Variants in CELSR1 observed in about 807,000 individuals in gnomAD.
The protein encoded by CELSR1 is cadherin EGF LAG seven-pass G-type receptor 1.
A neutral mutation model predicts 249.1 loss-of-function variants in CELSR1; 110 were observed. That is an observed-to-expected ratio of 0.44 (90% CI 0.38 to 0.52). The LOEUF (loss-of-function observed/expected upper bound fraction) is 0.52. Among genes scored for constraint, CELSR1 ranks in the 20% least tolerant of loss-of-function variants. CELSR1 has a pLI of 0.00. For synonymous variants in CELSR1, 2,113 were observed against 1,900.0 expected (o/e 1.11, Z -2.92); for missense variants, 4,109 against 4,296.4 (o/e 0.96, Z 1.22).
At chr22:46,379,111 G>C (rs893927174) in intron 22 of CELSR1, among the ~76,000 whole-genome samples, 1 of 152,190 alleles carries the variant, frequency 6.6e-6, no homozygotes, top group Non-Finnish European at 1.5e-5. Flanking sequence ...ACCACTGCCC[G>C]GGGTTCACAC....
Position 46,401,600 on chromosome 22 carries a change from T to C in CELSR1, c.5227-1698A>G, listed in dbSNP as rs932790996. 6.6e-6 allele frequency among the ~76,000 whole-genome samples: 1 copy of C among 152,116 alleles called. No homozygotes were observed. Among genetic ancestry groups the C allele is most frequent in the African/African-American group, 2.4e-5 (1 of 41,416 alleles). On this transcript the variant is annotated intron_variant, in intron 9 of 34. Coordinates refer to ENST00000674500, the MANE Select transcript of CELSR1 (RefSeq NM_001378328.1). This position sits in a 1 kb window ranked among gnomAD's most constrained non-coding sequence, Gnocchi z 4.7. ...GGCACTCTTCAGCCCTATCAGCAGG[T>C]GGTACGACGCTCCATCAGTCGCCTG...
chr22:46,386,567 T>C lies in CELSR1; in HGVS notation c.6574A>G (p.Ser2192Gly). 6.3e-7 allele frequency: 1 copy of C among 1,596,226 alleles called. No individual in the cohort carries two copies. Among genetic ancestry groups the C allele is most frequent in the Non-Finnish European group, 8.5e-7 (1 of 1,175,092 alleles). ...CTGGTGGCTGGGGCCAGGAGGGCGC[T>C]GCCCGAGTGGATGACGTCCTGGTCA... Reference protein sequence around the residue: ...DFHEDVIHSGSALLAPATRAA... With the variant: ...DFHEDVIHSGGALLAPATRAA... Residue 2192 changes from serine (S) to glycine (G), a missense_variant, in exon 19 of 35, where the codon AGC (serine) becomes GGC (glycine). By Grantham distance (56) the Ser-to-Gly change is moderately conservative. Coordinates refer to ENST00000674500, the MANE Select transcript of CELSR1 (RefSeq NM_001378328.1).
At position 46,407,276 on chromosome 22, in the gene CELSR1, G is replaced by C. The variant is rs977526336; in HGVS notation, c.5226+1720C>G. On this transcript the variant is annotated intron_variant, in intron 9 of 34. Coordinates refer to ENST00000674500, the MANE Select transcript of CELSR1 (RefSeq NM_001378328.1). This position sits in a 1 kb window ranked among gnomAD's most constrained non-coding sequence, Gnocchi z 4.8. Reference sequence around the variant, plus strand: ...ACATGCACAAATGTGCACGCATGGAGAGATGCACATACACAGACTGACATG... The same window carrying C: ...ACATGCACAAATGTGCACGCATGGACAGATGCACATACACAGACTGACATG... Among the ~76,000 whole-genome samples the C allele has an allele frequency of 6.6e-6, 1 of 152,182 alleles. No homozygotes were observed. Among genetic ancestry groups the C allele is most frequent in the Admixed American group, 6.5e-5 (1 of 15,274 alleles).
intron 5 of CELSR1, among the ~76,000 whole-genome samples, chr22:46,419,597 C>T (rs1338000075): frequency 6.6e-6 from 1 of 152,170 alleles, no homozygotes; most frequent in Non-Finnish European, 1.5e-5. Context: ...CTGAGTGTCC[C>T]GGGAAAAACA....
At chr22:46,496,179 C>A (rs751794232) in intron 1 of CELSR1, among the ~76,000 whole-genome samples, 66 of 141,728 alleles carry the variant, frequency 4.7e-4, no homozygotes, top group African/African-American at 7.2e-4. Flanking sequence ...CCAGCCTGGG[C>A]AACAGAATGA....
In CELSR1 at chr22:46,409,263, C is replaced by A; in HGVS notation, c.5060-101G>T. On this transcript the variant is annotated intron_variant, in intron 8 of 34. Coordinates refer to ENST00000674500, the MANE Select transcript of CELSR1 (RefSeq NM_001378328.1). This position sits in a 1 kb window ranked among gnomAD's most constrained non-coding sequence, Gnocchi z 9.8. The stretch of plus-strand genomic sequence containing the variant: ...ATGGGCCTGCAGGCTAGGCCTGGGC[C>A]TTTTTCACTTTAACACGAAGGTGGG... 1 of 1,259,108 alleles carries A rather than the reference C, an allele frequency of 7.9e-7. No homozygotes were observed. Among genetic ancestry groups the A allele is most frequent in the South Asian group, 1.4e-5 (1 of 71,640 alleles). 78.0% of individuals were successfully genotyped at this position (1,259,108 alleles called of 1,614,324 possible).
chr22:46,377,123 C>T lies in CELSR1; in HGVS notation c.7522G>A (p.Ala2508Thr), dbSNP rs568472234. 6.8e-5 allele frequency: 109 copies of T among 1,613,564 alleles called. 1 individual carries two copies. The South Asian group carries it at 9.9e-4, about 15-fold the overall frequency. The change falls in exon 24 of 35, where the codon GCC (alanine) becomes ACC (threonine). Residue 2508 changes from alanine to threonine, a missense_variant. Physicochemically the swap from Ala to Thr is moderately conservative, Grantham distance 58. Around this residue, in one of 7 missense-constraint regions of CELSR1, gnomAD observed 1,805 missense variants for 1,831.6 expected, o/e 0.99. Coordinates refer to ENST00000674500, the MANE Select transcript of CELSR1 (RefSeq NM_001378328.1). ...AGCTGAGAGAGGAAGAGCGCCACGG[C>T]GAGGTGCTTGTGAATGCTGTGCAGG... ...SNLHSIHKHL[A>T]VALFLSQLVF...
chr22:46,372,771 C>A, intron 25 of CELSR1, 112 bp downstream of exon 25: 1 of 1,359,308 alleles, frequency 7.4e-7, no homozygotes, highest in Non-Finnish European at 9.9e-7. Flanking sequence ...CTGCTGGGGG[C>A]TGGACAAGCA....
rs2080650726 is a variant in CELSR1 at position 46,518,409 on chromosome 22, G to C, written c.3544+15218C>G. Reference sequence around the variant, plus strand: ...CACAGACCACATTGCACTGCGACAAGGCAAACCGATGGTGTGCTCGGGCAT... The same window carrying C: ...CACAGACCACATTGCACTGCGACAACGCAAACCGATGGTGTGCTCGGGCAT... On this transcript the variant is annotated intron_variant, in intron 1 of 34. Coordinates refer to ENST00000674500, the MANE Select transcript of CELSR1 (RefSeq NM_001378328.1). The surrounding 1 kb of genome is among the most constrained non-coding windows in gnomAD (Gnocchi z 5.2). Among the ~76,000 whole-genome samples, 1 of 152,226 alleles carries C rather than the reference G, an allele frequency of 6.6e-6. No individual in the cohort carries two copies. The highest frequency in any genetic ancestry group is 6.5e-5 in the Admixed American group (1 of 15,288).
rs915825790 is a variant in CELSR1 at position 46,472,594 on chromosome 22, A to G, written c.3545-8249T>C. On this transcript the variant is annotated intron_variant, in intron 1 of 34. Transcript: ENST00000674500. The surrounding 1 kb of genome is among the most constrained non-coding windows in gnomAD (Gnocchi z 7.0). ...GAGAGCACAACGCATGAAAAGCAGC[A>G]AAACCAGCAAGGCATGGGGACGGGT... is the stretch of plus-strand genomic sequence containing the variant. Among the ~76,000 whole-genome samples the G allele has an allele frequency of 1.3e-5, 2 of 152,216 alleles. No homozygotes were observed. The highest frequency in any genetic ancestry group is 4.8e-5 in the African/African-American group (2 of 41,458).
Position 46,409,092 on chromosome 22 carries a change from A to G in CELSR1, c.5130T>C (p.Ser1710=), listed in dbSNP as rs745632931. 2.5e-6 allele frequency: 4 copies of G among 1,613,516 alleles called. No homozygotes were observed. The highest frequency in any genetic ancestry group is 3.4e-6 in the Non-Finnish European group (4 of 1,179,830). The part of the protein sequence containing the change: ...VSWSDLNIII[S]VPWYLGLMFR... ...ACATGAGCCCCAGGTACCAGGGCAC[A>G]GAGATGATGATGTTCAGGTCACTCC... is the stretch of plus-strand genomic sequence containing the variant. Residue 1710 remains serine, a synonymous_variant, in exon 9 of 35, where the codon TCT becomes TCC. Transcript: ENST00000674500. This position sits in a 1 kb window ranked among gnomAD's most constrained non-coding sequence, Gnocchi z 9.8.
chr22:46,391,612 G>C lies in CELSR1; in HGVS notation c.6148+21C>G. On this transcript the variant is annotated intron_variant, in intron 15 of 34. Transcript: ENST00000674500. This position sits in a 1 kb window ranked among gnomAD's most constrained non-coding sequence, Gnocchi z 4.3. ...CTGTCCCCGCGCTGTAACCTGCAGG[G>C]TGTCGAGGGGCAACGCGGACCTTCA... 1.9e-6 allele frequency: 3 copies of C among 1,572,320 alleles called. No homozygotes were observed. Among genetic ancestry groups the C allele is most frequent in the South Asian group, 2.3e-5 (2 of 86,424 alleles).
intron 1 of CELSR1, among the ~76,000 whole-genome samples, chr22:46,521,300 G>C (rs570831113): frequency 3.4e-4 from 52 of 152,210 alleles, no homozygotes; most frequent in African/African-American, 1.2e-3. Flanking sequence ...TCAGGAGATC[G>C]AGACCATCCT....
At chr22:46,367,560 C>T (rs1442887548) in intron 28 of CELSR1, among the ~76,000 whole-genome samples, 169 bp downstream of exon 28, 1 of 152,234 alleles carries the variant, frequency 6.6e-6, no homozygotes, top group Non-Finnish European at 1.5e-5. Context: ...AGGCACCAGC[C>T]CCCGTGCCGG....
chr22:46,455,797 GAAAT>G (rs1416302598), intron 2 of CELSR1, among the ~76,000 whole-genome samples: 1 of 152,214 alleles, frequency 6.6e-6, no homozygotes. Flanking sequence ...TTTGGGGAAA[GAAAT>G]TGAGTGGAGA....
At chr22:46,458,130 G>A (rs761149131) in intron 2 of CELSR1, among the ~76,000 whole-genome samples, 12 of 152,116 alleles carry the variant, frequency 7.9e-5, no homozygotes, top group Non-Finnish European at 1.8e-4. Context: ...GGACAGGGAG[G>A]GAACATTCAG....
rs2080451535 is a variant in CELSR1 at position 46,500,061 on chromosome 22, T to A, written c.3544+33566A>T. On this transcript the variant is annotated intron_variant, in intron 1 of 34. Coordinates refer to ENST00000674500, the MANE Select transcript of CELSR1 (RefSeq NM_001378328.1). This position sits in a 1 kb window ranked among gnomAD's most constrained non-coding sequence, Gnocchi z 4.9. ...ATCTTCCCAAACGGGTTGTTTTCTG[T>A]GAGTCCGGACTCTCTGCTCTGATCC... Among the ~76,000 whole-genome samples, 1 of 151,648 alleles carries A rather than the reference T, an allele frequency of 6.6e-6. No individual in the cohort carries two copies. Among genetic ancestry groups the A allele is most frequent in the Non-Finnish European group, 1.5e-5 (1 of 67,994 alleles).
chr22:46,438,487 A>G (rs1405366919), intron 3 of CELSR1, among the ~76,000 whole-genome samples: 2 of 152,200 alleles, frequency 1.3e-5, no homozygotes, highest in East Asian at 3.8e-4. Flanking sequence ...TTTTAAAGGT[A>G]TTCCCTACAA....
rs2079633240 is a variant in CELSR1 at position 46,434,378 on chromosome 22, C to T, written c.4523-897G>A. 6.6e-6 allele frequency among the ~76,000 whole-genome samples: 1 copy of T among 152,140 alleles called. No homozygotes were observed. The highest frequency in any genetic ancestry group is 1.5e-5 in the Non-Finnish European group (1 of 68,018). ...CTTCAGGGGCACCAAAGGACAGGTG[C>T]GGTGGGTACCAGGTCCCGGGCAGAG... On this transcript the variant is annotated intron_variant, in intron 4 of 34. Coordinates refer to ENST00000674500, the MANE Select transcript of CELSR1 (RefSeq NM_001378328.1). This position sits in a 1 kb window ranked among gnomAD's most constrained non-coding sequence, Gnocchi z 4.9.
Sources: allele counts gnomAD v4.1 joint callset (sites outside exome capture counted in the v4.1 genomes callset), GRCh38; gene constraint gnomAD v4.1.1; regional missense constraint gnomAD v4.1.1; non-coding constraint Gnocchi (gnomAD v3.1); transcripts MANE v1.5; gene names NCBI Gene and HGNC (gene_info 2026-07-23, HGNC 2026-07-21).